NBEA: variants seen among roughly 807,000 people sequenced by gnomAD.
NBEA encodes neurobeachin, also known as lysosomal-trafficking regulator 2.
A neutral mutation model predicts 343.4 loss-of-function variants in NBEA; 44 were observed. The observed-to-expected ratio is 0.13, with a 90% CI of 0.10 to 0.16. The LOEUF is 0.16. Ranked by LOEUF, NBEA falls within the 10% of genes least tolerant of loss-of-function variation. The pLI is 1.00. For synonymous variants in NBEA, 1,175 were observed against 1,238.7 expected, an observed-to-expected ratio of 0.95 and a Z score of 1.08; for missense variants, 2,555 against 3,631.3, an observed-to-expected ratio of 0.70 and a Z score of 7.62.
intron 1 of NBEA, among the ~76,000 whole-genome samples, chr13:34,966,617 C>T (rs2059827448): frequency 6.8e-6 from 1 of 147,728 alleles, no homozygotes; most frequent in African/African-American, 2.5e-5. Context: ...ATCTCTGAGC[C>T]TGTGTTTTTT....
At chr13:35,196,904 G>T (rs140072839) in intron 31 of NBEA, among the ~76,000 whole-genome samples, 1 of 151,956 alleles carries the variant, frequency 6.6e-6, no homozygotes, top group Non-Finnish European at 1.5e-5. Flanking sequence ...TTTAGGTATC[G>T]AAACTATTTA....
intron 41 of NBEA, among the ~76,000 whole-genome samples, chr13:35,501,555 GT>G (rs2076889048): frequency 6.6e-6 from 1 of 152,058 alleles, no homozygotes; most frequent in Admixed American, 6.6e-5. Flanking sequence ...AGTCAGCCTG[GT>G]AAATAGTAAT....
chr13:34,973,744 C>T (rs1285163719), intron 1 of NBEA, among the ~76,000 whole-genome samples: 1 of 152,180 alleles, frequency 6.6e-6, no homozygotes. Flanking sequence ...GCTGGAATTC[C>T]AAGCCAGTGG....
intron 38 of NBEA, among the ~76,000 whole-genome samples, chr13:35,366,815 A>G (rs923878388): frequency 6.6e-6 from 1 of 151,354 alleles, no homozygotes; most frequent in African/African-American, 2.4e-5. Context: ...TCACTATACT[A>G]TATTCCAGAG....
At chr13:34,975,601 A>G (rs1474897087) in intron 1 of NBEA, among the ~76,000 whole-genome samples, 1 of 152,188 alleles carries the variant, frequency 6.6e-6, no homozygotes, top group Non-Finnish European at 1.5e-5. Context: ...ATTAAACTAA[A>G]AAGCTTCAGT....
chr13:35,664,661 A>G (rs1276206274), intron 55 of NBEA, among the ~76,000 whole-genome samples: 2 of 152,228 alleles, frequency 1.3e-5, no homozygotes, highest in African/African-American at 2.4e-5. Context: ...AACTTGGGCA[A>G]GTTGAATCAC....
chr13:35,357,135 CATGT>C (rs2040535055), intron 38 of NBEA, among the ~76,000 whole-genome samples: 1 of 151,986 alleles, frequency 6.6e-6, no homozygotes, highest in African/African-American at 2.4e-5. Flanking sequence ...TTTCCATACA[CATGT>C]ATCATGGCAC....
At chr13:35,248,388 G>A (rs1012941562) in intron 34 of NBEA, among the ~76,000 whole-genome samples, 1 of 151,976 alleles carries the variant, frequency 6.6e-6, no homozygotes, top group Admixed American at 6.6e-5. Context: ...TACTGTGTGG[G>A]GAAAAAAAGC....
intron 41 of NBEA, among the ~76,000 whole-genome samples, chr13:35,506,244 A>G (rs1474191943): frequency 5.9e-5 from 9 of 151,842 alleles, no homozygotes; most frequent in African/African-American, 2.2e-4. Context: ...TATATATTTT[A>G]TTTTTGTAGA....
intron 1 of NBEA, among the ~76,000 whole-genome samples, chr13:34,947,462 A>G (rs911313014): frequency 1.3e-5 from 2 of 152,120 alleles, no homozygotes; most frequent in East Asian, 1.9e-4. Context: ...TGTCACTGGT[A>G]TAGCTGTATT....
Position 35,411,311 on chromosome 13 carries a change from C to T in NBEA, c.6180-20958C>T, listed in dbSNP as rs754887503. ...AATTTCTCAGTTAGAATTTGTAAGC[C>T]GAACCAGTTGAGATTTCTACAGTAT... On this transcript the variant is annotated intron_variant, in intron 38 of 58. Transcript: ENST00000379939. Among the ~76,000 whole-genome samples, 4 of 152,200 alleles carry T rather than the reference C, an allele frequency of 2.6e-5. No individual in the cohort carries two copies. In the East Asian group the frequency reaches 5.8e-4, roughly 22 times the overall value.
At chr13:35,075,009 A>T (rs1199858595) in intron 10 of NBEA, among the ~76,000 whole-genome samples, 1 of 151,950 alleles carries the variant, frequency 6.6e-6, no homozygotes, top group East Asian at 1.9e-4. Context: ...TTTGTTTTTT[A>T]TCTCTGTATA....
At chr13:34,976,527 T>A (rs9542852) in intron 1 of NBEA, among the ~76,000 whole-genome samples, 57,652 of 151,978 alleles carry the variant, frequency 0.38, 11,558 homozygotes, top group East Asian at 0.49. Context: ...GTAAAGAACT[T>A]ATTTATGTAA....
chr13:35,071,017 A>T (rs1593248604), intron 10 of NBEA, 165 bp downstream of exon 10: 1 of 599,506 alleles, frequency 1.7e-6, no homozygotes, highest in Non-Finnish European at 2.5e-6. Context: ...TACAATAAAT[A>T]AAGAAAACGC....
chr13:34,942,864 A>G lies in NBEA; in HGVS notation c.44A>G (p.Gln15Arg). The G allele has an allele frequency of 7.2e-7, 1 of 1,390,872 alleles. No homozygotes were observed. Among genetic ancestry groups the G allele is most frequent in the South Asian group, 1.5e-5 (1 of 65,972 alleles). 86.2% of individuals were successfully genotyped at this position (1,390,872 alleles called of 1,614,324 possible). A position where few individuals can be genotyped will look rare whatever the true frequency, so the allele number is the denominator to read the frequency against. ...GGCCCGGGCCCGGGGCTCGAGCCTC[A>G]GCCCGTGGGGCTCATTGCCGTCGGG... is the stretch of plus-strand genomic sequence containing the variant. ...KPGPGPGLEP[Q>R]PVGLIAVGAA... Residue 15 changes from glutamine (Q) to arginine (R), a missense_variant, in exon 1 of 59, where the codon CAG (glutamine) becomes CGG (arginine). Around this residue, in one of 21 missense-constraint regions of NBEA, gnomAD observed 122 missense variants for 91.0 expected, o/e 1.34. Coordinates refer to ENST00000379939, the MANE Select transcript of NBEA (RefSeq NM_001385012.1).
intron 38 of NBEA, among the ~76,000 whole-genome samples, chr13:35,410,610 ATC>A (rs2043525483): frequency 6.6e-6 from 1 of 152,186 alleles, no homozygotes; most frequent in South Asian, 2.1e-4. Flanking sequence ...CATAAATACC[ATC>A]AAGTTCAGGA....
chr13:35,045,178 A>G (rs2152560855), intron 3 of NBEA, 128 bp from the exon 4 acceptor site: 5 of 1,198,198 alleles, frequency 4.2e-6, no homozygotes, highest in African/African-American at 1.5e-5. Flanking sequence ...GATTTAGTAA[A>G]TGTTTTGTAA....
At chr13:34,946,085 A>G (rs145639941) in intron 1 of NBEA, among the ~76,000 whole-genome samples, 1 of 152,304 alleles carries the variant, frequency 6.6e-6, no homozygotes, top group African/African-American at 2.4e-5. Flanking sequence ...ACAGTGAAAT[A>G]TGGAATGGAT....
At chr13:34,943,204 TCA>T in intron 1 of NBEA, 90 bp downstream of exon 1, 8 of 1,501,438 alleles carry the variant, frequency 5.3e-6, no homozygotes, top group South Asian at 3.6e-5. Context: ...ACCCCCAGGG[TCA>T]CACGCGCCGC....
Sources: allele counts gnomAD v4.1 joint callset (sites outside exome capture counted in the v4.1 genomes callset), GRCh38; gene constraint gnomAD v4.1.1; regional missense constraint gnomAD v4.1.1; transcripts MANE v1.5; gene names NCBI Gene and HGNC (gene_info 2026-07-23, HGNC 2026-07-21).